Variants in CIC observed in about 807,000 individuals in gnomAD.
CIC encodes protein capicua homolog.
Under a neutral mutation model 115.7 loss-of-function variants are expected in CIC, and 18 were observed. That is an observed-to-expected ratio of 0.16 (90% CI 0.11 to 0.23). CIC has a LOEUF of 0.23. Among genes scored for constraint, CIC ranks in the 10% least tolerant of loss-of-function variants. CIC has a pLI of 1.00. For synonymous variants in CIC, 1,076 were observed against 923.0 expected (o/e 1.17, Z -3.01); for missense variants, 2,000 against 2,159.3 (o/e 0.93, Z 1.46).
At chr19:42,291,502 C>T (rs2038098915) in intron 11 of CIC, 36 bp downstream of exon 11, 14 of 1,613,156 alleles carry the variant, frequency 8.7e-6, no homozygotes, top group East Asian at 2.2e-5. Flanking sequence ...GGGGAGGGGC[C>T]ATAGTCCTGT....
chr19:42,291,501 C>T, intron 11 of CIC, 35 bp downstream of exon 11: 1 of 1,613,150 alleles, frequency 6.2e-7, no homozygotes, highest in Admixed American at 1.7e-5. Context: ...AGGGGAGGGG[C>T]CATAGTCCTG....
chr19:42,284,540 C>T (rs2037467360), intron 2 of CIC: 2 of 205,052 alleles, frequency 9.8e-6, no homozygotes, highest in Non-Finnish European at 1.9e-5. Flanking sequence ...GCAGAGACCC[C>T]CGCGTGGGGC....
At position 42,292,623 on chromosome 19, in the gene CIC, C is replaced by T. The variant is rs1373877859; in HGVS notation, c.5960C>T (p.Pro1987Leu). 6.2e-7 allele frequency: 1 copy of T among 1,613,454 alleles called. No individual in the cohort carries two copies. The highest frequency in any genetic ancestry group is 8.5e-7 in the Non-Finnish European group (1 of 1,179,902). ...GQVGVSPVPS[P>L]QLPPACAAPG... ...GTGGGCGTGTCACCTGTGCCCAGTC[C>T]CCAGCTGCCGCCTGCCTGTGCAGCC... The change falls in exon 15 of 21, where the codon CCC becomes CTC. Residue 1987 changes from proline to leucine, a missense_variant. This residue lies in a region of CIC where 1,466 missense variants were observed against 1,390.4 expected (regional missense o/e 1.05). Coordinates refer to ENST00000681038, the MANE Select transcript of CIC (RefSeq NM_001386298.1).
rs1301050216 is a variant in CIC, at chr19:42,289,833, C to T, written c.4088-15C>T. The T allele has an allele frequency of 3.2e-6, 5 of 1,576,258 alleles. No homozygotes were observed. Among genetic ancestry groups the T allele is most frequent in the South Asian group, 2.3e-5 (2 of 86,078 alleles). On this transcript the variant is annotated splice_polypyrimidine_tract_variant and intron_variant, in intron 9 of 20. Transcript: ENST00000681038. ...ATCTAGCCCCCTCCCCATACTGTTC[C>T]CTCCACTCCCTCAGCTGACGATGGC...
intron 2 of CIC, among the ~76,000 whole-genome samples, chr19:42,275,461 GC>G (rs2036938930): frequency 6.6e-6 from 1 of 152,154 alleles, no homozygotes; most frequent in Admixed American, 6.5e-5. Context: ...CGATGGGACA[GC>G]CCCAAGGCCA....
chr19:42,288,873 C>G lies in CIC; in HGVS notation c.3659-15C>G. 1 of 1,613,016 alleles carries G rather than the reference C, an allele frequency of 6.2e-7. No individual in the cohort carries two copies. The highest frequency in any genetic ancestry group is 8.5e-7 in the Non-Finnish European group (1 of 1,179,220). ...AGGCTTACTGACTGTCATAGCGCCA[C>G]TCTCTACTTTACAGTGTCCTCTGAG... On this transcript the variant is annotated splice_polypyrimidine_tract_variant and intron_variant, in intron 7 of 20. Coordinates refer to ENST00000681038, the MANE Select transcript of CIC (RefSeq NM_001386298.1).
intron 2 of CIC, among the ~76,000 whole-genome samples, chr19:42,274,802 C>G (rs2036907877): frequency 6.6e-6 from 1 of 152,186 alleles, no homozygotes; most frequent in Non-Finnish European, 1.5e-5. Context: ...AACGTGGTCT[C>G]AAGAGGTCTA....
rs767719115 is a variant in CIC at position 42,293,678 on chromosome 19, C to G, written c.6609C>G (p.Ser2203Arg). 2.5e-6 allele frequency: 4 copies of G among 1,612,782 alleles called. No homozygotes were observed. The highest frequency in any genetic ancestry group is 1.1e-5 in the South Asian group (1 of 91,046). The change falls in exon 17 of 21, where the codon AGC (serine) becomes AGG (arginine). Residue 2203 changes from serine (S) to arginine (R), a missense_variant. Physicochemically the swap from Ser to Arg is moderately radical, Grantham distance 110. Coordinates refer to ENST00000681038, the MANE Select transcript of CIC (RefSeq NM_001386298.1). The part of the protein sequence containing the change: ...ENRGEPPTPP[S>R]PAPAPAVAPG... ...GTGGGGAGCCTCCCACTCCTCCCAG[C>G]CCGGCCCCAGCTCCAGCTGTAGCCC...
At chr19:42,278,261 G>A (rs962660737) in intron 2 of CIC, among the ~76,000 whole-genome samples, 1 of 152,250 alleles carries the variant, frequency 6.6e-6, no homozygotes, top group Non-Finnish European at 1.5e-5. Context: ...CAGTCCAGGA[G>A]GCCAGATGTC....
At chr19:42,284,751 C>G in intron 2 of CIC, 2 of 1,557,126 alleles carry the variant, frequency 1.3e-6, no homozygotes, top group South Asian at 1.2e-5. Flanking sequence ...AGCGCGGCCT[C>G]CCGTGGCCTC....
rs199626540 is a variant in CIC at position 42,294,946 on chromosome 19, C to A, written c.7309C>A (p.Pro2437Thr). 6.2e-7 allele frequency: 1 copy of A among 1,600,424 alleles called. No homozygotes were observed. The highest frequency in any genetic ancestry group is 8.5e-7 in the Non-Finnish European group (1 of 1,179,912). ...GCAGGCTGCCACTCCCACGGAGCAG[C>A]CCCCTGGAGCTGAGGCTCCTCTCCC... ...IMQAATPTEQ[P>T]PGAEAPLPVP... Residue 2437 changes from proline (P) to threonine (T), a missense_variant, in exon 21 of 21, where the codon CCC (proline) becomes ACC (threonine). By Grantham distance (38) the Pro-to-Thr change is conservative. This residue lies in a region of CIC where 133 missense variants were observed against 116.0 expected (regional missense o/e 1.15). Transcript: ENST00000681038.
chr19:42,287,204 G>A lies in CIC; in HGVS notation c.3143G>A (p.Arg1048Gln), dbSNP rs760049446. The change falls in exon 4 of 21, where the codon CGG becomes CAG. Residue 1048 changes from arginine (R) to glutamine (Q), a missense_variant. Arg to Gln is a conservative substitution (Grantham distance 43). Coordinates refer to ENST00000681038, the MANE Select transcript of CIC (RefSeq NM_001386298.1). The surrounding 1 kb of genome is among the most constrained non-coding windows in gnomAD (Gnocchi z 8.7). ...EEASGPPGEP[R>Q]LDSETESDHD... Reference sequence around the variant, plus strand: ...GCCTCCGGCCCCCCAGGAGAGCCCCGGCTGGACAGTGAGACAGAGAGTGAC... The same window carrying A: ...GCCTCCGGCCCCCCAGGAGAGCCCCAGCTGGACAGTGAGACAGAGAGTGAC... The A allele has an allele frequency of 5.0e-6, 8 of 1,613,508 alleles. No homozygotes were observed. Among genetic ancestry groups the A allele is most frequent in the Non-Finnish European group, 6.8e-6 (8 of 1,179,914 alleles).
At position 42,280,728 on chromosome 19, in the gene CIC, G is replaced by A. The variant is rs2147087039; in HGVS notation, c.2795-6043G>A. Among the ~76,000 whole-genome samples, 1 of 152,212 alleles carries A rather than the reference G, an allele frequency of 6.6e-6. No individual in the cohort carries two copies. The highest frequency in any genetic ancestry group is 2.1e-4 in the South Asian group (1 of 4,826). On this transcript the variant is annotated intron_variant, in intron 2 of 20. Coordinates refer to ENST00000681038, the MANE Select transcript of CIC (RefSeq NM_001386298.1). The surrounding 1 kb of genome is among the most constrained non-coding windows in gnomAD (Gnocchi z 4.9). Reference sequence around the variant, plus strand: ...GTGGAGCCTGCCGGGGGTTGGCTGGGGGCCAGGCGGCGAGTGGAAAATCTC... The same window carrying A: ...GTGGAGCCTGCCGGGGGTTGGCTGGAGGCCAGGCGGCGAGTGGAAAATCTC...
At chr19:42,285,332 C>T (rs2037556523) in intron 2 of CIC, among the ~76,000 whole-genome samples, 1 of 152,024 alleles carries the variant, frequency 6.6e-6, no homozygotes, top group African/African-American at 2.4e-5. Context: ...AAGAGGAGGC[C>T]TTGATGGGAA....
chr19:42,289,932 A>G lies in CIC; in HGVS notation c.4172A>G (p.Glu1391Gly), dbSNP rs2147243986. 1 of 1,606,144 alleles carries G rather than the reference A, an allele frequency of 6.2e-7. No individual in the cohort carries two copies. Residue 1391 changes from glutamate (E) to glycine (G), a missense_variant, in exon 10 of 21, where the codon GAG becomes GGG. Glu to Gly is a moderately conservative substitution (Grantham distance 98). Transcript: ENST00000681038. ...AGCGAGAGTGGGGACAGCTCTGGGG[A>G]GGACCCAGAGGGCAACAAGGTGAGG... ...TDSESGDSSG[E>G]DPEGNKGFGR...
At chr19:42,284,888 G>A (rs1211362261) in intron 2 of CIC, 3 of 950,392 alleles carry the variant, frequency 3.2e-6, no homozygotes, top group Non-Finnish European at 4.8e-6. Context: ...GTAAAGGGAT[G>A]ACGGGGAAAG....
rs2147363626 is a variant in CIC, at chr19:42,295,252, G to A, written c.*61G>A. The A allele has an allele frequency of 5.6e-6, 8 of 1,439,510 alleles. No homozygotes were observed. Among genetic ancestry groups the A allele is most frequent in the Middle Eastern group, 1.8e-4 (1 of 5,596 alleles). 89.2% of individuals were successfully genotyped at this position (1,439,510 alleles called of 1,614,324 possible). On this transcript the variant is annotated 3_prime_UTR_variant, in exon 21 of 21. Transcript: ENST00000681038. ...CCCTCAGGACATGGACAGTATGTGG[G>A]GGCAGGAAGGTTATCTCCTCCCGGG...
Position 42,287,200 on chromosome 19 carries a change from C to T in CIC, c.3139C>T (p.Pro1047Ser), listed in dbSNP as rs2147183774. 1.9e-6 allele frequency: 3 copies of T among 1,613,630 alleles called. No homozygotes were observed. Among genetic ancestry groups the T allele is most frequent in the Admixed American group, 1.7e-5 (1 of 60,002 alleles). The part of the protein sequence containing the change: ...EEEASGPPGE[P>S]RLDSETESDH... ...GGAGGCCTCCGGCCCCCCAGGAGAG[C>T]CCCGGCTGGACAGTGAGACAGAGAG... Residue 1047 changes from proline (P) to serine (S), a missense_variant, in exon 4 of 21, where the codon CCC (proline) becomes TCC (serine). By Grantham distance (74) the Pro-to-Ser change is moderately conservative. Transcript: ENST00000681038. The surrounding 1 kb of genome is among the most constrained non-coding windows in gnomAD (Gnocchi z 8.7).
In CIC at chr19:42,291,544, C is replaced by T. The variant is rs1334313400; in HGVS notation, c.5426-14C>T. ...CCCTTGTAACCTTTTCCTTTCTTGC[C>T]TCTTAACTTCCAGCCCAGTCAGTTT... On this transcript the variant is annotated splice_polypyrimidine_tract_variant and intron_variant, in intron 11 of 20. Coordinates refer to ENST00000681038, the MANE Select transcript of CIC (RefSeq NM_001386298.1). 13 of 1,613,116 alleles carry T rather than the reference C, an allele frequency of 8.1e-6. No individual in the cohort carries two copies. Among genetic ancestry groups the T allele is most frequent in the South Asian group, 2.2e-5 (2 of 91,084 alleles).
Sources: gnomAD v4.1 joint callset for allele counts (sites outside exome capture counted in the v4.1 genomes callset) on GRCh38, gnomAD v4.1.1 for gene constraint, gnomAD v4.1.1 regional missense constraint, Gnocchi (gnomAD v3.1) non-coding constraint, MANE v1.5 for transcripts, NCBI Gene and HGNC (gene_info 2026-07-23, HGNC 2026-07-21) for gene names.